Variants in DGKH observed in about 807,000 individuals in gnomAD.
DGKH encodes the protein diacylglycerol kinase eta.
Under a neutral mutation model 159.3 loss-of-function variants are expected in DGKH, and 90 were observed. The ratio of observed to expected loss-of-function variants is 0.57; its 90% CI spans 0.48 to 0.67. The LOEUF is 0.67. DGKH is among the 30% of genes least tolerant of loss of function. The probability of loss-of-function intolerance (pLI) is 0.00; values close to 1 mark genes in which losing one functional copy is unlikely to be tolerated. For missense variants in DGKH, 1,181 were observed against 1,506.1 expected (o/e 0.78, Z 3.57); for synonymous variants, 536 against 553.8 (o/e 0.97, Z 0.45).
At chr13:42,244,909 A>G (rs1958568890), downstream of DGKH, among the ~76,000 whole-genome samples, 1 of 109,808 alleles carries the variant, frequency 9.1e-6, no homozygotes, top group African/African-American at 3.6e-5. Context: ...GTCTCAAAAA[A>G]AAAAAAAAAA....
chr13:42,172,567 T>C (rs547713287), intron 11 of DGKH, among the ~76,000 whole-genome samples: 1 of 152,368 alleles, frequency 6.6e-6, no homozygotes, highest in Non-Finnish European at 1.5e-5. Flanking sequence ...ATCTTGGGAT[T>C]TTCCTCTGGG....
At chr13:42,051,917 G>A (rs931779973) in intron 1 of DGKH, among the ~76,000 whole-genome samples, 3 of 152,058 alleles carry the variant, frequency 2.0e-5, no homozygotes, top group Non-Finnish European at 4.4e-5. Context: ...TGCCCACCTT[G>A]GCTTCCCAAA....
intron 20 of DGKH, 28 bp from the exon 21 acceptor site, chr13:42,206,008 TCTA>T: frequency 8.0e-7 from 1 of 1,245,316 alleles, no homozygotes. Flanking sequence ...TTATCTAATC[TCTA>T]CTTTTTTTTT....
chr13:42,177,250 A>G (rs1490945435), intron 12 of DGKH, among the ~76,000 whole-genome samples: 2 of 135,356 alleles, frequency 1.5e-5, no homozygotes, highest in African/African-American at 2.5e-5. Flanking sequence ...ATAGATTGGT[A>G]TCTGTTTTGT....
chr13:42,232,626 C>T lies in DGKH; in HGVS notation c.*3438C>T, dbSNP rs911966751. 2 of 152,176 alleles carry T rather than the reference C, an allele frequency of 1.3e-5. No individual in the cohort carries two copies. Among genetic ancestry groups the T allele is most frequent in the African/African-American group, 2.4e-5 (1 of 41,436 alleles). The allele number at this position is 152,176 out of a possible 1,614,324, so 9.4% of individuals were successfully genotyped here. On this transcript the variant is annotated 3_prime_UTR_variant, in exon 30 of 30. Coordinates refer to ENST00000337343, the MANE Select transcript of DGKH (RefSeq NM_178009.5). ...TAAGCATACATGGTGGGTCATTTAA[C>T]TAAGTGTTAGGAAGAAAACAATTTA...
chr13:42,210,805 G>A (rs2138204048), intron 24 of DGKH, 40 bp downstream of exon 24: 1 of 1,571,494 alleles, frequency 6.4e-7, no homozygotes, highest in Non-Finnish European at 8.6e-7. Context: ...TGGGAACTGT[G>A]GTCTCAGCCA....
chr13:42,183,678 T>C (rs1047756783), intron 13 of DGKH, among the ~76,000 whole-genome samples: 1 of 152,246 alleles, frequency 6.6e-6, no homozygotes, highest in African/African-American at 2.4e-5. Context: ...TAGGTTAACC[T>C]AAAACAACAT....
intron 7 of DGKH, among the ~76,000 whole-genome samples, chr13:42,160,466 T>C (rs1383412709): frequency 2.0e-5 from 3 of 152,258 alleles, no homozygotes; most frequent in Non-Finnish European, 4.4e-5. Flanking sequence ...TTCTCTGGTA[T>C]GTCACCAAAT....
chr13:42,176,868 C>T (rs1956617365), intron 12 of DGKH, among the ~76,000 whole-genome samples: 1 of 152,032 alleles, frequency 6.6e-6, no homozygotes, highest in South Asian at 2.1e-4. Flanking sequence ...GAATATGAGG[C>T]TGTTTAAATA....
rs1958271634 is a variant in DGKH at position 42,230,805 on chromosome 13, A to G, written c.*1617A>G. The G allele has an allele frequency of 6.6e-6, 1 of 152,186 alleles. No homozygotes were observed. The highest frequency in any genetic ancestry group is 1.5e-5 in the Non-Finnish European group (1 of 68,020). 9.4% of individuals were successfully genotyped at this position (152,186 alleles called of 1,614,324 possible). On this transcript the variant is annotated 3_prime_UTR_variant, in exon 30 of 30. Transcript: ENST00000337343. ...ACAATTATTTCCCCAGTGTTTAAAG[A>G]GAAATACTAATAGGCGAGCATTTAA...
intron 22 of DGKH, 93 bp downstream of exon 22, chr13:42,209,165 T>C: frequency 1.3e-5 from 17 of 1,347,034 alleles, no homozygotes; most frequent in Non-Finnish European, 1.6e-5. Flanking sequence ...GATATTCATC[T>C]ATAATATTCT....
chr13:42,067,667 C>T (rs1448208380), intron 1 of DGKH, among the ~76,000 whole-genome samples: 3 of 151,904 alleles, frequency 2.0e-5, no homozygotes, highest in Non-Finnish European at 2.9e-5. Context: ...ATTAATAGTA[C>T]ATTTCTTGCT....
At chr13:42,249,008 C>T (rs1958601365) in intron 29 of DGKH, among the ~76,000 whole-genome samples, 1 of 152,172 alleles carries the variant, frequency 6.6e-6, no homozygotes, top group Non-Finnish European at 1.5e-5. Context: ...TTATATATCA[C>T]AAGTTTAACA....
Position 42,055,764 on chromosome 13 carries a change from A to G in DGKH, c.192+6799A>G, listed in dbSNP as rs143465611. On this transcript the variant is annotated intron_variant, in intron 1 of 29. Transcript: ENST00000337343. ...TAAGAATAGACCTTTGAAAAAGGCC[A>G]TAACATGTTAGTACATTACAGTTTC... Among the ~76,000 whole-genome samples the G allele has an allele frequency of 5.5e-3, 835 of 152,354 alleles. 6 individuals carry two copies. The highest frequency in any genetic ancestry group is 0.019 in the African/African-American group (771 of 41,586).
chr13:42,219,101 T>A, intron 26 of DGKH, 129 bp from the exon 27 acceptor site: 2 of 1,159,816 alleles, frequency 1.7e-6, no homozygotes, highest in Non-Finnish European at 2.3e-6. Flanking sequence ...CTCTTAATAT[T>A]CCTTAATTTA....
intron 1 of DGKH, among the ~76,000 whole-genome samples, chr13:42,071,728 G>A (rs929356196): frequency 6.6e-6 from 1 of 152,110 alleles, no homozygotes; most frequent in African/African-American, 2.4e-5. Flanking sequence ...CTGATACAAC[G>A]GGACTTCTCT....
intron 6 of DGKH, 100 bp downstream of exon 6, chr13:42,159,472 G>C (rs1956125348): frequency 1.2e-6 from 1 of 827,482 alleles, no homozygotes; most frequent in Non-Finnish European, 2.0e-6. Flanking sequence ...CTTATTATTA[G>C]GATTTAATAG....
intron 3 of DGKH, among the ~76,000 whole-genome samples, chr13:42,136,271 A>G (rs375966764): frequency 1.3e-5 from 2 of 152,346 alleles, no homozygotes; most frequent in South Asian, 2.1e-4. Flanking sequence ...GATGAACTTT[A>G]TCTTGAGAAA....
At chr13:42,143,949 T>C (rs1955649628) in intron 3 of DGKH, among the ~76,000 whole-genome samples, 1 of 152,140 alleles carries the variant, frequency 6.6e-6, no homozygotes, top group Admixed American at 6.5e-5. Context: ...TTAAAAGAAC[T>C]AGAGAAGCAA....
Sources: gnomAD v4.1 joint callset for allele counts (sites outside exome capture counted in the v4.1 genomes callset) on GRCh38, gnomAD v4.1.1 for gene constraint, MANE v1.5 for transcripts, NCBI Gene and HGNC (gene_info 2026-07-23, HGNC 2026-07-21) for gene names.